Variants in FGGY observed in about 807,000 individuals in gnomAD.
FGGY encodes the protein FGGY carbohydrate kinase domain containing.
In FGGY, 72 loss-of-function variants were observed where a neutral mutation model predicts 71.3. The ratio of observed to expected loss-of-function variants is 1.01; its 90% confidence interval spans 0.84 to 1.23. FGGY has a LOEUF of 1.23. Ranked by LOEUF, FGGY falls within the 50% of genes most tolerant of loss-of-function variation. The probability of loss-of-function intolerance (pLI) is 0.00; values close to 1 mark genes in which losing one functional copy is unlikely to be tolerated. For synonymous variants in FGGY, 251 were observed against 250.3 expected, an observed-to-expected ratio of 1.00 and a Z score of -0.02; for missense variants, 668 against 682.3, an observed-to-expected ratio of 0.98 and a Z score of 0.23.
chr1:59,730,901 A>C lies in FGGY; in HGVS notation c.1513-27030A>C, dbSNP rs538679916. Among the ~76,000 whole-genome samples the C allele has an allele frequency of 3.1e-3, 467 of 152,316 alleles. 2 individuals carry two copies. The highest frequency in any genetic ancestry group is 0.011 in the African/African-American group (452 of 41,554). ...TGTCGGACAACATGCAAAGTGATTT[A>C]CTTAACCCACCTCATGAACGTTTAG... On this transcript the variant is annotated intron_variant, in intron 14 of 15. Coordinates refer to ENST00000303721, the MANE Select transcript of FGGY (RefSeq NM_018291.5).
chr1:59,722,737 T>C (rs950078404), intron 14 of FGGY, among the ~76,000 whole-genome samples: 2 of 152,204 alleles, frequency 1.3e-5, no homozygotes, highest in African/African-American at 4.8e-5. Flanking sequence ...TAATTGTGCA[T>C]ATTTCCTGCT....
chr1:59,649,132 A>G (rs927827835), intron 11 of FGGY, among the ~76,000 whole-genome samples: 10 of 151,800 alleles, frequency 6.6e-5, no homozygotes, highest in Non-Finnish European at 1.3e-4. Flanking sequence ...TACCAGTACC[A>G]TGCTGTTTTG....
At chr1:59,723,132 G>A (rs898703558) in intron 14 of FGGY, among the ~76,000 whole-genome samples, 3 of 152,102 alleles carry the variant, frequency 2.0e-5, no homozygotes, top group Non-Finnish European at 4.4e-5. Context: ...CTGGTGGTTA[G>A]ACACCAAGAT....
At chr1:59,380,478 G>A (rs1439562301) in intron 5 of FGGY, among the ~76,000 whole-genome samples, 2 of 151,504 alleles carry the variant, frequency 1.3e-5, no homozygotes, top group African/African-American at 4.9e-5. Flanking sequence ...ACTTTTTAAA[G>A]ATCGCCATCC....
chr1:59,706,037 G>A (rs376215319), intron 14 of FGGY, among the ~76,000 whole-genome samples: 4 of 152,306 alleles, frequency 2.6e-5, no homozygotes, highest in Non-Finnish European at 2.9e-5. Flanking sequence ...CACAGTGGCC[G>A]ACCCCTTTAG....
At chr1:59,673,906 G>A in intron 13 of FGGY, 133 bp from the exon 14 acceptor site, 1 of 663,816 alleles carries the variant, frequency 1.5e-6, no homozygotes, top group Non-Finnish European at 2.7e-6. Context: ...AAAGAAGGGA[G>A]GACTGCAGGG....
chr1:59,398,271 C>T (rs1461948484), intron 5 of FGGY, among the ~76,000 whole-genome samples: 1 of 151,750 alleles, frequency 6.6e-6, no homozygotes, highest in East Asian at 1.9e-4. Flanking sequence ...GACATGGTTT[C>T]ACTCAGTCAG....
At chr1:59,330,218 T>C (rs756695633) in intron 2 of FGGY, among the ~76,000 whole-genome samples, 2 of 152,050 alleles carry the variant, frequency 1.3e-5, no homozygotes, top group Non-Finnish European at 2.9e-5. Flanking sequence ...CCCTACTAGA[T>C]TTTATGTTTC....
chr1:59,612,371 C>G (rs1365630975), intron 9 of FGGY, among the ~76,000 whole-genome samples: 1 of 152,138 alleles, frequency 6.6e-6, no homozygotes, highest in African/African-American at 2.4e-5. Context: ...AATTTTCAAC[C>G]CAGAATTTCA....
intron 6 of FGGY, among the ~76,000 whole-genome samples, chr1:59,468,638 C>T (rs889613294): frequency 1.3e-5 from 2 of 151,924 alleles, no homozygotes; most frequent in African/African-American, 2.4e-5. Context: ...TTTGGGAGGC[C>T]GAGGCAGGTG....
At chr1:59,554,608 A>C (rs1286910758) in intron 8 of FGGY, among the ~76,000 whole-genome samples, 1 of 151,444 alleles carries the variant, frequency 6.6e-6, no homozygotes, top group Admixed American at 6.6e-5. Context: ...TGGCCAGGGA[A>C]CTCTCTCTCA....
At chr1:59,626,372 C>T (rs1188919425) in intron 10 of FGGY, 1 of 223,820 alleles carries the variant, frequency 4.5e-6, no homozygotes. Flanking sequence ...AGATACAGGA[C>T]CTTGAGCTAG....
At chr1:59,381,261 T>C (rs911679627) in intron 5 of FGGY, among the ~76,000 whole-genome samples, 2 of 152,182 alleles carry the variant, frequency 1.3e-5, no homozygotes, top group Admixed American at 1.3e-4. Flanking sequence ...CTTAGGATTG[T>C]CTTGGCAATG....
At chr1:59,579,581 A>G (rs74086235) in intron 8 of FGGY, among the ~76,000 whole-genome samples, 180 of 152,224 alleles carry the variant, frequency 1.2e-3, no homozygotes, top group African/African-American at 3.9e-3. Context: ...CCTTGAAAAC[A>G]TCCTTCATCC....
intron 4 of FGGY, among the ~76,000 whole-genome samples, chr1:59,348,850 G>T (rs1335642873): frequency 1.3e-5 from 2 of 152,098 alleles, no homozygotes; most frequent in Non-Finnish European, 2.9e-5. Context: ...GAGTTTCTTA[G>T]GAGTCAGGAG....
At chr1:59,598,032 C>T (rs1411142365) in intron 8 of FGGY, among the ~76,000 whole-genome samples, 1 of 152,226 alleles carries the variant, frequency 6.6e-6, no homozygotes, top group Non-Finnish European at 1.5e-5. Context: ...TCCTCGTTAG[C>T]TCTCTCCCCT....
At chr1:59,615,459 C>G (rs1371396873) in intron 9 of FGGY, among the ~76,000 whole-genome samples, 1 of 152,184 alleles carries the variant, frequency 6.6e-6, no homozygotes, top group African/African-American at 2.4e-5. Flanking sequence ...AAAGCTGAAA[C>G]TGGATCCCTT....
Position 59,729,352 on chromosome 1 carries a change from G to A in FGGY, c.1513-28579G>A, listed in dbSNP as rs1024124059. ...ATTATCTGATAATTCTAACATTTGT[G>A]TTATATCTGAGTTGGGTTCTGATTC... On this transcript the variant is annotated intron_variant, in intron 14 of 15. Coordinates refer to ENST00000303721, the MANE Select transcript of FGGY (RefSeq NM_018291.5). Among the ~76,000 whole-genome samples the A allele has an allele frequency of 4.6e-5, 7 of 152,218 alleles. No homozygotes were observed. In the South Asian group the frequency reaches 6.2e-4, roughly 14 times the overall value.
At chr1:59,442,823 T>C (rs1396675004) in intron 5 of FGGY, among the ~76,000 whole-genome samples, 1 of 152,186 alleles carries the variant, frequency 6.6e-6, no homozygotes, top group Non-Finnish European at 1.5e-5. Flanking sequence ...AGGGAAATAA[T>C]TCGTCCAACA....
Sources: gnomAD v4.1 joint callset for allele counts (sites outside exome capture counted in the v4.1 genomes callset) on GRCh38, gnomAD v4.1.1 for gene constraint, MANE v1.5 for transcripts, NCBI Gene and HGNC (gene_info 2026-07-23, HGNC 2026-07-21) for gene names.